The following GMDS variants were observed in gnomAD, a reference collection of about 807,000 sequenced individuals.
GMDS encodes GDP-mannose 4,6-dehydratase, also known as GDP-mannose 4,6 dehydratase.
GMDS carries 20 observed loss-of-function variants against 49.9 expected under a neutral mutation model. The observed-to-expected ratio is 0.40, with a 90% CI of 0.28 to 0.58. The LOEUF is 0.58. Among genes scored for constraint, GMDS ranks in the 20% least tolerant of loss-of-function variants. The probability of loss-of-function intolerance (pLI) is 0.42; values close to 1 mark genes in which losing one functional copy is unlikely to be tolerated. For synonymous variants in GMDS, 177 were observed against 178.6 expected, an observed-to-expected ratio of 0.99 and a Z score of 0.07; for missense variants, 362 against 481.4, an observed-to-expected ratio of 0.75 and a Z score of 2.32.
At chr6:1,872,392 T>C (rs1194859030) in intron 7 of GMDS, among the ~76,000 whole-genome samples, 3 of 152,360 alleles carry the variant, frequency 2.0e-5, no homozygotes, top group East Asian at 3.9e-4. Context: ...AGAAAAATGA[T>C]AGTTATGCTT....
At chr6:2,202,649 G>T (rs1319786129) in intron 1 of GMDS, among the ~76,000 whole-genome samples, 1 of 152,130 alleles carries the variant, frequency 6.6e-6, no homozygotes, top group Non-Finnish European at 1.5e-5. Flanking sequence ...GACTGGCCTC[G>T]TGGCCTATGT....
intron 9 of GMDS, among the ~76,000 whole-genome samples, chr6:1,699,361 G>A (rs1412922515): frequency 6.6e-6 from 1 of 152,086 alleles, no homozygotes; most frequent in Non-Finnish European, 1.5e-5. Flanking sequence ...GCAGCCAGGA[G>A]GGGTCTCCAG....
chr6:1,976,743 T>C (rs975817129), intron 4 of GMDS, among the ~76,000 whole-genome samples: 7 of 152,188 alleles, frequency 4.6e-5, no homozygotes, highest in African/African-American at 1.7e-4. Flanking sequence ...AAAACTAGCA[T>C]CTTTCTAATA....
At chr6:1,719,819 A>G (rs1339694113) in intron 9 of GMDS, among the ~76,000 whole-genome samples, 2 of 152,222 alleles carry the variant, frequency 1.3e-5, no homozygotes, top group African/African-American at 4.8e-5. Context: ...CCTCCTATGG[A>G]AAGTTGATGC....
rs1435617613 is a variant in GMDS at position 1,833,782 on chromosome 6, G to A, written c.772-91196C>T. 6.6e-6 allele frequency among the ~76,000 whole-genome samples: 1 copy of A among 152,182 alleles called. No individual in the cohort carries two copies. The highest frequency in any genetic ancestry group is 1.9e-4 in the East Asian group (1 of 5,192). ...ATTATTCAAGAGAAGGGAAATTTAT[G>A]AAGGCAGAAATTAATACCAAACCCA... On this transcript the variant is annotated intron_variant, in intron 7 of 10. Transcript: ENST00000380815. This position sits in a 1 kb window ranked among gnomAD's most constrained non-coding sequence, Gnocchi z 4.4.
Position 1,930,083 on chromosome 6 carries a change from T to C in GMDS, c.771+20A>G. On this transcript the variant is annotated intron_variant, in intron 7 of 10. Coordinates refer to ENST00000380815, the MANE Select transcript of GMDS (RefSeq NM_001500.4). ...CAATGGATACGGGTATTTTCAAGAATGTAATGTGTCAGTTCCTACCTCCAC... is the reference window on the plus strand; with the variant it reads ...CAATGGATACGGGTATTTTCAAGAACGTAATGTGTCAGTTCCTACCTCCAC... The C allele has an allele frequency of 6.3e-7, 1 of 1,595,234 alleles. No homozygotes were observed. The highest frequency in any genetic ancestry group is 8.6e-7 in the Non-Finnish European group (1 of 1,167,602).
chr6:1,676,435 T>C (rs577446222), intron 9 of GMDS, among the ~76,000 whole-genome samples: 3 of 152,298 alleles, frequency 2.0e-5, no homozygotes, highest in African/African-American at 7.2e-5. Flanking sequence ...AAAACTACTT[T>C]AAACTTCATA....
intron 9 of GMDS, among the ~76,000 whole-genome samples, chr6:1,697,497 T>C (rs1765384007): frequency 1.3e-5 from 2 of 152,242 alleles, no homozygotes; most frequent in Admixed American, 6.5e-5. Flanking sequence ...AACCTATTTC[T>C]TATAGGCTAT....
rs35807345 is a variant in GMDS, at chr6:1,974,868, T to TAAA, written c.346-13905_346-13903dup. Reference sequence around the variant, plus strand: ...CAACATGGTGAAATCCCGTCTCTATTAAAAAAAAAAGAAAAAAAAATTAGC... The same window carrying TAAA: ...CAACATGGTGAAATCCCGTCTCTATTAAAAAAAAAAAAAGAAAAAAAAATTAGC... On this transcript the variant is annotated intron_variant, in intron 4 of 10. Coordinates refer to ENST00000380815, the MANE Select transcript of GMDS (RefSeq NM_001500.4). 4.7e-5 allele frequency among the ~76,000 whole-genome samples: 6 copies of TAAA among 128,290 alleles called. No individual in the cohort carries two copies. The South Asian group carries it at 1.2e-3, about 26-fold the overall frequency. The allele number at this position is 128,290 out of a possible 152,430, so 84.2% of individuals were successfully genotyped here.
chr6:1,862,286 ATT>A (rs1221337592), intron 7 of GMDS, among the ~76,000 whole-genome samples: 1 of 152,244 alleles, frequency 6.6e-6, no homozygotes, highest in Non-Finnish European at 1.5e-5. Context: ...AATAAAAATT[ATT>A]TTGTTTAATA....
intron 7 of GMDS, among the ~76,000 whole-genome samples, chr6:1,911,096 G>A (rs915962143): frequency 2.0e-5 from 3 of 152,148 alleles, no homozygotes; most frequent in Admixed American, 6.5e-5. Flanking sequence ...AAAGAAAACA[G>A]CAACGTGTAC....
chr6:1,824,152 T>A (rs1038869995), intron 7 of GMDS, among the ~76,000 whole-genome samples: 2 of 152,136 alleles, frequency 1.3e-5, no homozygotes, highest in African/African-American at 4.8e-5. Flanking sequence ...TCCACCACCA[T>A]CCCTTTAGCC....
intron 9 of GMDS, among the ~76,000 whole-genome samples, chr6:1,663,354 C>T (rs1288898391): frequency 1.3e-5 from 2 of 152,194 alleles, no homozygotes; most frequent in Non-Finnish European, 2.9e-5. Flanking sequence ...GGACCTCCTT[C>T]ACCAAAGCAC....
intron 9 of GMDS, among the ~76,000 whole-genome samples, chr6:1,654,865 A>G (rs759687342): frequency 2.6e-4 from 40 of 152,130 alleles, no homozygotes; most frequent in Non-Finnish European, 4.9e-4. Context: ...GATTGAGACT[A>G]TCCTGGCCAA....
chr6:1,963,114 A>T (rs1764061054), intron 4 of GMDS, among the ~76,000 whole-genome samples: 1 of 150,902 alleles, frequency 6.6e-6, no homozygotes, highest in African/African-American at 2.4e-5. Context: ...TGATCTCATG[A>T]TCCACCCACC....
At position 1,630,574 on chromosome 6, in the gene GMDS, G is replaced by C. The variant is rs111768484; in HGVS notation, c.988-6034C>G. Among the ~76,000 whole-genome samples, 274 of 152,376 alleles carry C rather than the reference G, an allele frequency of 1.8e-3. 3 individuals are homozygous for C. Among genetic ancestry groups the C allele is most frequent in the African/African-American group, 6.3e-3 (262 of 41,590 alleles). ...GAGCAGAGGAAAGCACTTCTCAGAG[G>C]CTGCGCTGGGAAGCTTTTGGGGAGC... On this transcript the variant is annotated intron_variant, in intron 9 of 10. Transcript: ENST00000380815.
chr6:2,234,616 A>T (rs1781267477), intron 1 of GMDS, among the ~76,000 whole-genome samples: 1 of 152,050 alleles, frequency 6.6e-6, no homozygotes, highest in Non-Finnish European at 1.5e-5. Flanking sequence ...TATCAAAAAA[A>T]ATAAAAAAAA....
intron 1 of GMDS, among the ~76,000 whole-genome samples, chr6:2,232,547 C>T (rs1781157572): frequency 1.3e-5 from 2 of 152,130 alleles, no homozygotes; most frequent in Admixed American, 6.5e-5. Context: ...TTACCGTCCA[C>T]CATCATATAT....
At chr6:2,207,666 A>G (rs1304589387) in intron 1 of GMDS, among the ~76,000 whole-genome samples, 2 of 151,950 alleles carry the variant, frequency 1.3e-5, no homozygotes, top group Non-Finnish European at 2.9e-5. Context: ...CTCAGTAAAT[A>G]TTTGTTGAAG....
Sources: allele counts gnomAD v4.1 joint callset (sites outside exome capture counted in the v4.1 genomes callset), GRCh38; gene constraint gnomAD v4.1.1; non-coding constraint Gnocchi (gnomAD v3.1); transcripts MANE v1.5; gene names NCBI Gene and HGNC (gene_info 2026-07-23, HGNC 2026-07-21).